UNC79: variants seen among roughly 807,000 people sequenced by gnomAD.
UNC79 encodes the protein protein unc-79 homolog.
UNC79 carries 37 observed loss-of-function variants against 283.1 expected under a neutral mutation model. The observed-to-expected ratio is 0.13, with a 90% confidence interval of 0.10 to 0.17. The LOEUF (loss-of-function observed/expected upper bound fraction) is 0.17, where lower values mean the gene tolerates loss of function less well. UNC79 is among the 10% of genes least tolerant of loss of function. The pLI, the probability that UNC79 is intolerant of heterozygous loss-of-function variation, is 1.00. For missense variants in UNC79, 2,272 were observed against 3,211.1 expected, an observed-to-expected ratio of 0.71 and a Z score of 7.07; for synonymous variants, 1,107 against 1,200.2, an observed-to-expected ratio of 0.92 and a Z score of 1.61.
At chr14:93,507,384 A>G (rs762585759) in intron 7 of UNC79, among the ~76,000 whole-genome samples, 1 of 152,216 alleles carries the variant, frequency 6.6e-6, no homozygotes, top group Non-Finnish European at 1.5e-5. Context: ...CCACTCTGCT[A>G]TCACTTGCAA....
chr14:93,590,082 T>C (rs1300974270), intron 22 of UNC79, among the ~76,000 whole-genome samples: 1 of 152,174 alleles, frequency 6.6e-6, no homozygotes, highest in East Asian at 1.9e-4. Flanking sequence ...TGCCACATGG[T>C]CTTCTTCCCT....
chr14:93,342,678 A>C (rs1403341104), intron 1 of UNC79, among the ~76,000 whole-genome samples: 3 of 152,334 alleles, frequency 2.0e-5, no homozygotes, highest in African/African-American at 7.2e-5. Context: ...TGTTTTAAGC[A>C]TAAGTTCCAA....
At chr14:93,501,896 A>G (rs1223328294) in intron 7 of UNC79, among the ~76,000 whole-genome samples, 6 of 152,214 alleles carry the variant, frequency 3.9e-5, no homozygotes, top group South Asian at 2.1e-4. Context: ...AAGAATCACT[A>G]TTAACACACA....
At chr14:93,375,760 C>T (rs570695528) in intron 1 of UNC79, among the ~76,000 whole-genome samples, 1 of 152,162 alleles carries the variant, frequency 6.6e-6, no homozygotes, top group East Asian at 1.9e-4. Context: ...GGAACAGCAC[C>T]AAGGGGATGG....
At chr14:93,374,525 T>G (rs1353056046) in intron 1 of UNC79, among the ~76,000 whole-genome samples, 18 of 152,082 alleles carry the variant, frequency 1.2e-4, no homozygotes, top group Admixed American at 1.2e-3. Context: ...CATTGTAGCG[T>G]TCTTTCTTTC....
chr14:93,559,908 T>G (rs948729579), intron 14 of UNC79, among the ~76,000 whole-genome samples: 5 of 151,796 alleles, frequency 3.3e-5, no homozygotes, highest in African/African-American at 1.2e-4. Context: ...CAGGGAAAAT[T>G]TTTTGGGGGG....
chr14:93,333,229 G>T (rs1369089338), exon 1 of UNC79: 5 of 401,216 alleles, frequency 1.2e-5, no homozygotes, highest in African/African-American at 1.0e-4. Flanking sequence ...ATTTTTGCTC[G>T]TCGGCTGGGA....
chr14:93,505,309 C>T (rs1366345456), intron 7 of UNC79, among the ~76,000 whole-genome samples: 1 of 151,968 alleles, frequency 6.6e-6, no homozygotes, highest in African/African-American at 2.4e-5. Flanking sequence ...GTAGTTCTGT[C>T]AATGTTTGTT....
At chr14:93,551,119 G>A (rs2061871605) in intron 14 of UNC79, among the ~76,000 whole-genome samples, 1 of 151,940 alleles carries the variant, frequency 6.6e-6, no homozygotes, top group South Asian at 2.1e-4. Flanking sequence ...GCGCAATCTC[G>A]GCTCACTGCA....
At chr14:93,592,172 C>CTTTT (rs557283063) in intron 22 of UNC79, among the ~76,000 whole-genome samples, 7 of 124,772 alleles carry the variant, frequency 5.6e-5, no homozygotes, top group Middle Eastern at 4.0e-3. Context: ...ATAACTTTTC[C>CTTTT]TTTTTTTTTT....
intron 20 of UNC79, among the ~76,000 whole-genome samples, chr14:93,586,230 T>C (rs1423415657): frequency 6.6e-6 from 1 of 152,184 alleles, no homozygotes; most frequent in Admixed American, 6.5e-5. Flanking sequence ...TAGGAAGGCA[T>C]AGCTAGCCAG....
chr14:93,538,345 C>G, intron 12 of UNC79, 127 bp downstream of exon 12: 2 of 960,822 alleles, frequency 2.1e-6, no homozygotes. Flanking sequence ...CACCTTCCCA[C>G]AGTGTTGTAA....
At chr14:93,653,791 T>C (rs1196932530) in exon 36 of UNC79, 1 of 1,613,850 alleles carries the variant, frequency 6.2e-7, no homozygotes, top group African/African-American at 1.3e-5. Flanking sequence ...GTTCCTGCGC[T>C]GCATCTTCCA....
At chr14:93,446,384 CAT>C (rs1352576284) in intron 1 of UNC79, among the ~76,000 whole-genome samples, 2 of 140,448 alleles carry the variant, frequency 1.4e-5, no homozygotes, top group Non-Finnish European at 3.0e-5. Context: ...TTTCTTTAGA[CAT>C]GTGTGTGGTT....
At chr14:93,428,703 A>G (rs2055783136), upstream of UNC79, among the ~76,000 whole-genome samples, 1 of 152,238 alleles carries the variant, frequency 6.6e-6, no homozygotes, top group Admixed American at 6.5e-5. Flanking sequence ...AGTAATGCTA[A>G]TAGCAGCCAT....
intron 14 of UNC79, among the ~76,000 whole-genome samples, chr14:93,556,826 A>C (rs1395721928): frequency 1.3e-5 from 2 of 152,126 alleles, no homozygotes. Flanking sequence ...TTTAAAAAAA[A>C]CTCTTTTAAA....
At chr14:93,475,245 ACT>A (rs2057733730) in intron 3 of UNC79, among the ~76,000 whole-genome samples, 2 of 152,124 alleles carry the variant, frequency 1.3e-5, no homozygotes, top group Admixed American at 1.3e-4. Flanking sequence ...TAACTTCAAA[ACT>A]CTGATAATTT....
intron 1 of UNC79, among the ~76,000 whole-genome samples, chr14:93,434,384 C>G (rs756900885): frequency 3.8e-4 from 57 of 151,328 alleles, no homozygotes; most frequent in Non-Finnish European, 6.6e-4. Context: ...TTTTTTTTTT[C>G]TCCAAATGCT....
At chr14:93,661,916 A>G (rs953242922) in intron 39 of UNC79, among the ~76,000 whole-genome samples, 1 of 152,190 alleles carries the variant, frequency 6.6e-6, no homozygotes, top group Non-Finnish European at 1.5e-5. Context: ...TACCTATATT[A>G]TAACACACTG....
Sources: allele counts gnomAD v4.1 joint callset (sites outside exome capture counted in the v4.1 genomes callset), GRCh38; gene constraint gnomAD v4.1.1; transcripts MANE v1.5; gene names NCBI Gene and HGNC (gene_info 2026-07-23, HGNC 2026-07-21).